The following AGBL1 variants were observed in gnomAD, a reference collection of about 807,000 sequenced individuals.
The protein encoded by AGBL1 is cytosolic carboxypeptidase 4.
Under a neutral mutation model 118.9 loss-of-function variants are expected in AGBL1, and 130 were observed. That is an observed-to-expected ratio of 1.09 (90% CI 0.95 to 1.26). The LOEUF (loss-of-function observed/expected upper bound fraction) is 1.26. Among genes scored for constraint, AGBL1 ranks in the 50% most tolerant of loss-of-function variants. The pLI is 0.00. For missense variants in AGBL1, 1,584 were observed against 1,298.1 expected (o/e 1.22, Z -3.38); for synonymous variants, 555 against 478.9 (o/e 1.16, Z -2.08).
chr15:87,024,593 T>C (rs2081706278), intron 24 of AGBL1, among the ~76,000 whole-genome samples: 1 of 152,048 alleles, frequency 6.6e-6, no homozygotes, highest in African/African-American at 2.4e-5. Context: ...CGATTGACAC[T>C]ATTTCCCAAG....
At chr15:86,696,663 T>G (rs922001768) in intron 22 of AGBL1, among the ~76,000 whole-genome samples, 9 of 151,916 alleles carry the variant, frequency 5.9e-5, no homozygotes, top group Admixed American at 5.3e-4. Context: ...TGTTGTTGTT[T>G]TTTTAATTGT....
At position 86,439,987 on chromosome 15, in the gene AGBL1, C is replaced by T. The variant is rs112709974; in HGVS notation, c.2555+42441C>T. Among the ~76,000 whole-genome samples, 265 of 151,018 alleles carry T rather than the reference C, an allele frequency of 1.8e-3. 3 individuals are homozygous for T. Among genetic ancestry groups the T allele is most frequent in the African/African-American group, 6.4e-3 (259 of 40,386 alleles). On this transcript the variant is annotated intron_variant, in intron 18 of 22. Coordinates refer to ENST00000614907, the MANE Select transcript of AGBL1 (RefSeq NM_001386094.1). Reference sequence around the variant, plus strand: ...CAGTCTTATATCTGAAGTTTTTAGCCATAATTTTTTCCCTGGATAGAAATT... The same window carrying T: ...CAGTCTTATATCTGAAGTTTTTAGCTATAATTTTTTCCCTGGATAGAAATT...
intron 17 of AGBL1, among the ~76,000 whole-genome samples, chr15:86,388,514 G>A (rs1886688540): frequency 4.6e-5 from 7 of 152,048 alleles, no homozygotes; most frequent in Admixed American, 4.6e-4. Context: ...TGCTTTATGG[G>A]TAGAGAACAG....
At chr15:86,708,182 G>T (rs2086487271) in intron 22 of AGBL1, among the ~76,000 whole-genome samples, 1 of 152,126 alleles carries the variant, frequency 6.6e-6, no homozygotes, top group Admixed American at 6.6e-5. Flanking sequence ...AGGGGTTAAA[G>T]TTGAAGCCAA....
chr15:86,916,360 CAG>C (rs1491552909), downstream of AGBL1, among the ~76,000 whole-genome samples: 6 of 151,958 alleles, frequency 3.9e-5, no homozygotes, highest in African/African-American at 7.3e-5. Flanking sequence ...GAAAAAATAA[CAG>C]AGAATAACCT....
chr15:86,923,935 T>C (rs1319057924), intron 23 of AGBL1, among the ~76,000 whole-genome samples: 1 of 152,196 alleles, frequency 6.6e-6, no homozygotes, highest in African/African-American at 2.4e-5. Flanking sequence ...GGCCATGATA[T>C]CATTACACCT....
intron 23 of AGBL1, among the ~76,000 whole-genome samples, chr15:86,945,121 T>G (rs1196166283): frequency 6.6e-6 from 1 of 151,850 alleles, no homozygotes; most frequent in Non-Finnish European, 1.5e-5. Flanking sequence ...TGGTGCACAC[T>G]GTAGTCCTAG....
chr15:86,379,733 C>T (rs1423628257), intron 17 of AGBL1, among the ~76,000 whole-genome samples: 1 of 152,092 alleles, frequency 6.6e-6, no homozygotes, highest in Non-Finnish European at 1.5e-5. Context: ...GAGATTCTGA[C>T]CCAAGTCCAG....
At chr15:86,217,216 A>G (rs772947341) in intron 5 of AGBL1, among the ~76,000 whole-genome samples, 3 of 152,176 alleles carry the variant, frequency 2.0e-5, no homozygotes, top group East Asian at 1.9e-4. Flanking sequence ...TCCCTCAAAC[A>G]TAAGCTCTTT....
intron 22 of AGBL1, among the ~76,000 whole-genome samples, chr15:86,750,670 C>A (rs184964630): frequency 4.6e-5 from 7 of 151,974 alleles, no homozygotes; most frequent in Admixed American, 3.9e-4. Flanking sequence ...TTCAGGGGTA[C>A]AAGTGCAGGT....
intron 22 of AGBL1, among the ~76,000 whole-genome samples, chr15:86,875,974 C>T (rs1022155141): frequency 1.3e-5 from 2 of 152,122 alleles, no homozygotes; most frequent in African/African-American, 4.8e-5. Flanking sequence ...ACAAAGTGAT[C>T]CCTTGACTCA....
At chr15:86,264,196 C>T in intron 10 of AGBL1, 62 bp from the exon 11 acceptor site, 1 of 1,324,178 alleles carries the variant, frequency 7.6e-7, no homozygotes, top group Non-Finnish European at 1.0e-6. Context: ...GGACAGGGAT[C>T]AAATTGTATT....
chr15:86,379,209 G>T, intron 17 of AGBL1, among the ~76,000 whole-genome samples: 1 of 151,748 alleles, frequency 6.6e-6, no homozygotes, highest in Non-Finnish European at 1.5e-5. Flanking sequence ...CACCGTGCCT[G>T]GCCGGTCACT....
At chr15:86,308,016 T>C (rs2079866464) in intron 17 of AGBL1, among the ~76,000 whole-genome samples, 1 of 152,180 alleles carries the variant, frequency 6.6e-6, no homozygotes, top group African/African-American at 2.4e-5. Context: ...CACATATTTA[T>C]ATATCTCTGA....
intron 1 of AGBL1, among the ~76,000 whole-genome samples, chr15:86,129,713 C>T (rs4887193): frequency 0.37 from 56,730 of 151,790 alleles, 11,096 homozygotes; most frequent in African/African-American, 0.48. Context: ...ATATATGGGA[C>T]GGCTCCCTCT....
chr15:86,738,354 A>G (rs2077630327), intron 22 of AGBL1, among the ~76,000 whole-genome samples: 1 of 152,202 alleles, frequency 6.6e-6, no homozygotes, highest in East Asian at 1.9e-4. Context: ...CTCCTGTTCA[A>G]CGCAGTACTG....
At chr15:86,873,412 AAGATG>A (rs1284591784) in intron 22 of AGBL1, among the ~76,000 whole-genome samples, 1 of 152,204 alleles carries the variant, frequency 6.6e-6, no homozygotes, top group Non-Finnish European at 1.5e-5. Flanking sequence ...AGCGCTTTCA[AAGATG>A]TTTGAAAAAT....
chr15:86,739,509 A>G (rs1172417014), intron 22 of AGBL1, among the ~76,000 whole-genome samples: 1 of 140,632 alleles, frequency 7.1e-6, no homozygotes, highest in African/African-American at 2.6e-5. Flanking sequence ...ATCAAGATTC[A>G]TTTTTTTTTT....
rs1896762024 is a variant in AGBL1 at position 86,102,054 on chromosome 15, T to TA, written c.51+22033dup. ...TCTCTCTCTCTCTTTTTTTTTTTTT[T>TA]AATTGAGATGGAGTCTTGCTCTCTT... is the stretch of plus-strand genomic sequence containing the variant. On this transcript the variant is annotated intron_variant, in intron 1 of 22. Coordinates refer to ENST00000614907, the MANE Select transcript of AGBL1 (RefSeq NM_001386094.1). Among the ~76,000 whole-genome samples, 4 of 151,302 alleles carry TA rather than the reference T, an allele frequency of 2.6e-5. No homozygotes were observed. The East Asian group carries it at 7.8e-4, about 29-fold the overall frequency.
Sources: gnomAD v4.1 joint callset for allele counts (sites outside exome capture counted in the v4.1 genomes callset) on GRCh38, gnomAD v4.1.1 for gene constraint, MANE v1.5 for transcripts, NCBI Gene and HGNC (gene_info 2026-07-23, HGNC 2026-07-21) for gene names.